LRP12: variants seen among roughly 807,000 people sequenced by gnomAD.
LRP12 encodes LDL receptor related protein 12.
LRP12 carries 14 observed loss-of-function variants against 66.0 expected under a neutral mutation model. The ratio of observed to expected loss-of-function variants is 0.21; its 90% CI spans 0.14 to 0.33. The LOEUF (loss-of-function observed/expected upper bound fraction) is 0.33, where lower values mean the gene tolerates loss of function less well. Among genes scored for constraint, LRP12 ranks in the 10% least tolerant of loss-of-function variants. The pLI, the probability that LRP12 is intolerant of heterozygous loss-of-function variation, is 1.00. For synonymous variants in LRP12, 357 were observed against 359.1 expected, an observed-to-expected ratio of 0.99 and a Z score of 0.07; for missense variants, 889 against 1,053.4, an observed-to-expected ratio of 0.84 and a Z score of 2.16.
intron 1 of LRP12, among the ~76,000 whole-genome samples, chr8:104,585,415 G>A (rs1337086318): frequency 3.9e-5 from 6 of 151,974 alleles, no homozygotes; most frequent in Admixed American, 1.3e-4. Flanking sequence ...TAATAGAGAC[G>A]GGGTTTCGCC....
chr8:104,563,499 ATC>A (rs1811947338), intron 1 of LRP12, among the ~76,000 whole-genome samples: 1 of 152,138 alleles, frequency 6.6e-6, no homozygotes, highest in Non-Finnish European at 1.5e-5. Context: ...AAGCAAATGA[ATC>A]TGTGTAAATA....
chr8:104,498,924 G>C (rs969388071), intron 4 of LRP12, among the ~76,000 whole-genome samples: 13 of 152,084 alleles, frequency 8.5e-5, no homozygotes, highest in African/African-American at 2.9e-4. Flanking sequence ...TTTTTTCTGA[G>C]ACTATAAACT....
chr8:104,532,622 G>C (rs1363313368), intron 1 of LRP12, among the ~76,000 whole-genome samples: 1 of 152,096 alleles, frequency 6.6e-6, no homozygotes, highest in Non-Finnish European at 1.5e-5. Context: ...AACAGACAAA[G>C]AATTCTCCTC....
At chr8:104,536,787 T>G (rs1811398241) in intron 1 of LRP12, among the ~76,000 whole-genome samples, 1 of 152,000 alleles carries the variant, frequency 6.6e-6, no homozygotes, top group South Asian at 2.1e-4. Flanking sequence ...ATGTGCAGAT[T>G]ATATCTACTT....
intron 1 of LRP12, among the ~76,000 whole-genome samples, chr8:104,540,652 C>T (rs1406823398): frequency 3.3e-5 from 5 of 152,118 alleles, no homozygotes; most frequent in Admixed American, 3.3e-4. Context: ...AGCCTTGAAC[C>T]TATTTCCCAC....
chr8:104,497,488 C>T lies in LRP12; in HGVS notation c.1064G>A (p.Cys355Tyr), dbSNP rs756302850. The part of the protein sequence containing the change: ...SSSGQIRVHF[C>Y]ADKVNAARGF... ...CCTTGCAGCATTCACTTTATCAGCA[C>T]AAAAATGTACCCTTATCTGTCCAGA... Residue 355 changes from cysteine (C) to tyrosine (Y), a missense_variant, in exon 5 of 7, where the codon TGT (cysteine) becomes TAT (tyrosine). Cys to Tyr is a radical substitution (Grantham distance 194). Coordinates refer to ENST00000276654, the MANE Select transcript of LRP12 (RefSeq NM_013437.5). The surrounding 1 kb of genome is among the most constrained non-coding windows in gnomAD (Gnocchi z 4.3). 1.1e-5 allele frequency: 17 copies of T among 1,613,966 alleles called. 1 individual carries two copies. In the South Asian group the frequency reaches 1.4e-4, roughly 14 times the overall value.
At chr8:104,568,595 A>G (rs1184290651) in intron 1 of LRP12, among the ~76,000 whole-genome samples, 1 of 152,184 alleles carries the variant, frequency 6.6e-6, no homozygotes, top group African/African-American at 2.4e-5. Flanking sequence ...AGATACTCTA[A>G]CCAATTAAGA....
chr8:104,528,876 G>T (rs1811285589), intron 2 of LRP12, among the ~76,000 whole-genome samples: 1 of 152,082 alleles, frequency 6.6e-6, no homozygotes, highest in African/African-American at 2.4e-5. Context: ...AATTGGAATA[G>T]ATTTCATGTA....
At chr8:104,529,685 C>G (rs182865950) in intron 2 of LRP12, among the ~76,000 whole-genome samples, 19 of 152,242 alleles carry the variant, frequency 1.2e-4, no homozygotes, top group Admixed American at 3.3e-4. Context: ...TGCAAGTGAT[C>G]AATGCACATT....
chr8:104,504,505 CTATGGTTATTTAAAAAA>C (rs1810876050), intron 3 of LRP12: 1 of 152,108 alleles, frequency 6.6e-6, no homozygotes, highest in Admixed American at 6.5e-5. Flanking sequence ...ATTACTTTCA[CTATGGTTATTTAAAAAA>C]TATTTGGTCC....
intron 1 of LRP12, among the ~76,000 whole-genome samples, chr8:104,575,108 G>A (rs1215176831): frequency 1.3e-5 from 2 of 152,162 alleles, no homozygotes; most frequent in East Asian, 3.9e-4. Context: ...GGGCAGGGGT[G>A]AAGGGGAATG....
chr8:104,526,329 T>A (rs943627622), intron 2 of LRP12, among the ~76,000 whole-genome samples: 1 of 152,050 alleles, frequency 6.6e-6, no homozygotes, highest in Non-Finnish European at 1.5e-5. Flanking sequence ...TGGAAAAAAC[T>A]ATTTTAAAGT....
chr8:104,494,229 C>A (rs1229411821), intron 6 of LRP12, among the ~76,000 whole-genome samples: 1 of 152,102 alleles, frequency 6.6e-6, no homozygotes, highest in African/African-American at 2.4e-5. Context: ...ACTTTGCACA[C>A]AAAATTCCAA....
rs375389288 is a variant in LRP12 at position 104,497,393 on chromosome 8, C to G, written c.1159G>C (p.Gly387Arg). The part of the protein sequence containing the change: ...PWEIPCGGNW[G>R]CYTEQQRCDG... ...CAACGCTGCTGCTCAGTATAACACC[C>G]CCAGTTACCTCCACAGGGTATTTCC... The change falls in exon 5 of 7, where the codon GGG (glycine) becomes CGG (arginine). Residue 387 changes from glycine to arginine, a missense_variant. By Grantham distance (125) the Gly-to-Arg change is moderately radical (BLOSUM62 -2). Coordinates refer to ENST00000276654, the MANE Select transcript of LRP12 (RefSeq NM_013437.5). The surrounding 1 kb of genome is among the most constrained non-coding windows in gnomAD (Gnocchi z 4.3). 2.2e-5 allele frequency: 36 copies of G among 1,613,848 alleles called. No individual in the cohort carries two copies. The highest frequency in any genetic ancestry group is 3.1e-5 in the Non-Finnish European group (36 of 1,179,932).
At chr8:104,527,521 T>C (rs1319635948) in intron 2 of LRP12, among the ~76,000 whole-genome samples, 4 of 151,338 alleles carry the variant, frequency 2.6e-5, no homozygotes, top group Admixed American at 6.6e-5. Context: ...GATGAGTTCA[T>C]GTCCTTTGTA....
At chr8:104,566,053 A>G in intron 1 of LRP12, 1 of 204,070 alleles carries the variant, frequency 4.9e-6, no homozygotes, top group East Asian at 1.1e-4. Flanking sequence ...GACTTCAAAA[A>G]AAATGGCAGG....
intron 1 of LRP12, among the ~76,000 whole-genome samples, chr8:104,555,445 C>A (rs1449351119): frequency 2.0e-5 from 3 of 152,030 alleles, no homozygotes; most frequent in African/African-American, 7.2e-5. Context: ...CATAAACACT[C>A]ACAAAGATAT....
intron 1 of LRP12, among the ~76,000 whole-genome samples, chr8:104,537,471 C>T (rs188295428): frequency 7.2e-5 from 11 of 152,204 alleles, no homozygotes; most frequent in Admixed American, 3.3e-4. Flanking sequence ...ATCTGGAAGA[C>T]GCTAAAGTTC....
At chr8:104,515,848 C>T (rs1342651225) in intron 2 of LRP12, among the ~76,000 whole-genome samples, 1 of 152,138 alleles carries the variant, frequency 6.6e-6, no homozygotes, top group Non-Finnish European at 1.5e-5. Flanking sequence ...CTCTCAGAAG[C>T]CTTGTTAGTC....
Sources: allele counts gnomAD v4.1 joint callset (sites outside exome capture counted in the v4.1 genomes callset), GRCh38; gene constraint gnomAD v4.1.1; non-coding constraint Gnocchi (gnomAD v3.1); transcripts MANE v1.5; gene names NCBI Gene and HGNC (gene_info 2026-07-23, HGNC 2026-07-21).